The following NGLY1 variants were observed in gnomAD, a reference collection of about 807,000 sequenced individuals.
NGLY1 encodes the protein N-glycanase 1.
In NGLY1, 68 loss-of-function variants were observed where a neutral mutation model predicts 84.6. The ratio of observed to expected loss-of-function variants is 0.80; its 90% CI spans 0.66 to 0.98. The LOEUF is 0.98. NGLY1 is among the 50% of genes least tolerant of loss of function. The pLI is 0.00. For synonymous variants in NGLY1, 280 were observed against 275.2 expected (o/e 1.02, Z -0.17); for missense variants, 779 against 770.2 (o/e 1.01, Z -0.14).
At chr3:25,734,816 T>C (rs73059721) in intron 7 of NGLY1, 11,542 of 948,140 alleles carry the variant, frequency 0.012, 97 homozygotes, top group South Asian at 0.043. Flanking sequence ...CCAGAAACGC[T>C]ATGATAAAAA....
chr3:25,723,413 A>C (rs1005882083), intron 10 of NGLY1, among the ~76,000 whole-genome samples: 3 of 152,204 alleles, frequency 2.0e-5, no homozygotes, highest in Non-Finnish European at 4.4e-5. Context: ...ATGGAGATAA[A>C]ACACCCTATT....
chr3:25,758,152 C>T (rs2125532030), intron 3 of NGLY1, among the ~76,000 whole-genome samples: 1 of 152,298 alleles, frequency 6.6e-6, no homozygotes, highest in East Asian at 1.9e-4. Context: ...AGCACTTCAA[C>T]AGCTACATTT....
intron 4 of NGLY1, among the ~76,000 whole-genome samples, chr3:25,748,994 A>G (rs986045883): frequency 6.6e-6 from 1 of 152,230 alleles, no homozygotes; most frequent in Non-Finnish European, 1.5e-5. Context: ...CACATGAAAA[A>G]AATGCTCAAT....
At chr3:25,761,753 T>A (rs781480035) in intron 3 of NGLY1, among the ~76,000 whole-genome samples, 2 of 152,206 alleles carry the variant, frequency 1.3e-5, no homozygotes, top group Admixed American at 6.5e-5. Context: ...AAAATTTGTA[T>A]GTGAATGTTC....
At chr3:25,723,515 T>A (rs1336182563) in intron 10 of NGLY1, among the ~76,000 whole-genome samples, 1 of 152,162 alleles carries the variant, frequency 6.6e-6, no homozygotes, top group Admixed American at 6.5e-5. Context: ...AGAATATGTA[T>A]ACTCAGTTTA....
At chr3:25,737,045 A>C (rs1705860176) in intron 6 of NGLY1, 1 of 251,162 alleles carries the variant, frequency 4.0e-6, no homozygotes, top group South Asian at 1.3e-4. Context: ...AATGCATTAC[A>C]AGTATCCCCC....
chr3:25,787,499 C>G (rs1708630714), upstream of NGLY1, among the ~76,000 whole-genome samples: 1 of 152,140 alleles, frequency 6.6e-6, no homozygotes, highest in African/African-American at 2.4e-5. Context: ...AAAAAGTTTT[C>G]TATGGCTCCC....
intron 4 of NGLY1, among the ~76,000 whole-genome samples, chr3:25,748,940 T>C (rs987802138): frequency 3.3e-5 from 5 of 152,148 alleles, no homozygotes; most frequent in Admixed American, 6.5e-5. Flanking sequence ...TCAAAAGACT[T>C]GAATAAACAT....
At chr3:25,763,484 A>G (rs771320658) in intron 3 of NGLY1, among the ~76,000 whole-genome samples, 1 of 152,244 alleles carries the variant, frequency 6.6e-6, no homozygotes, top group Non-Finnish European at 1.5e-5. Flanking sequence ...AATGCACATG[A>G]TCTCAGGGAG....
intron 4 of NGLY1, chr3:25,749,437 C>T (rs2125507976): frequency 9.7e-7 from 1 of 1,032,912 alleles, no homozygotes; most frequent in South Asian, 1.3e-5. Flanking sequence ...AGGAAGCTCT[C>T]TCCTCCTCAG....
intron 4 of NGLY1, among the ~76,000 whole-genome samples, chr3:25,747,436 G>A (rs905744156): frequency 3.9e-5 from 6 of 152,122 alleles, no homozygotes; most frequent in African/African-American, 1.4e-4. Flanking sequence ...TAAGGCCCAA[G>A]CCAGTCATCA....
rs577825021 is a variant in NGLY1 at position 25,740,443 on chromosome 3, T to C, written c.659-644A>G. On this transcript the variant is annotated intron_variant, in intron 4 of 11. Coordinates refer to ENST00000280700, the MANE Select transcript of NGLY1 (RefSeq NM_018297.4). The stretch of plus-strand genomic sequence containing the variant: ...TCTCTCTTGTTCATATTCAAGACCA[T>C]GGTATCTCTGGCAAGAAGGGAAGGA... Among the ~76,000 whole-genome samples, 11 of 152,240 alleles carry C rather than the reference T, an allele frequency of 7.2e-5. No homozygotes were observed. The South Asian group carries it at 1.4e-3, about 20-fold the overall frequency.
chr3:25,781,285 C>CA (rs1708406089), intron 1 of NGLY1, among the ~76,000 whole-genome samples: 1 of 152,096 alleles, frequency 6.6e-6, no homozygotes, highest in South Asian at 2.1e-4. Context: ...CTGGACCTCA[C>CA]ATTAATCTAT....
At chr3:25,775,881 G>A (rs1032620575) in intron 2 of NGLY1, among the ~76,000 whole-genome samples, 5 of 152,156 alleles carry the variant, frequency 3.3e-5, no homozygotes, top group African/African-American at 1.2e-4. Context: ...GATGATAAAT[G>A]TTTGAGATCA....
intron 9 of NGLY1, among the ~76,000 whole-genome samples, chr3:25,731,889 G>A (rs1705558076): frequency 6.6e-6 from 1 of 152,136 alleles, no homozygotes; most frequent in African/African-American, 2.4e-5. Flanking sequence ...TTAGAAGCCA[G>A]AATAATGATT....
chr3:25,771,183 AGATTT>A (rs961377881), intron 2 of NGLY1, among the ~76,000 whole-genome samples: 4 of 152,192 alleles, frequency 2.6e-5, no homozygotes, highest in East Asian at 3.8e-4. Flanking sequence ...TCCAGGTCTT[AGATTT>A]AAGTCTTTCA....
chr3:25,773,944 C>T (rs999202929), intron 2 of NGLY1, among the ~76,000 whole-genome samples: 1 of 152,192 alleles, frequency 6.6e-6, no homozygotes, highest in African/African-American at 2.4e-5. Flanking sequence ...TAGAGAGTGT[C>T]TGCAAAGAGT....
chr3:25,730,346 A>G (rs942440021), intron 9 of NGLY1: 2 of 152,086 alleles, frequency 1.3e-5, no homozygotes, highest in Non-Finnish European at 2.9e-5. Context: ...GGAAAAAATG[A>G]TTTCTTTTTA....
At position 25,729,278 on chromosome 3, in the gene NGLY1, ATCT is replaced by A; in HGVS notation, c.1463_1465del (p.Lys488del). 1 of 1,481,670 alleles carries A rather than the reference ATCT, an allele frequency of 6.7e-7. No homozygotes were observed. Among genetic ancestry groups the A allele is most frequent in the East Asian group, 2.5e-5 (1 of 39,902 alleles). The allele number at this position is 1,481,670 out of a possible 1,614,324, so 91.8% of individuals were successfully genotyped here. A position where few individuals can be genotyped will look rare whatever the true frequency, so the allele number is the denominator to read the frequency against. ...GTAACAAAGGTGGAGCTGTTTAGAAATCTTCTCATTTTCACAGGGAATAAACAA... is the reference window on the plus strand; with the variant it reads ...GTAACAAAGGTGGAGCTGTTTAGAAATCTCATTTTCACAGGGAATAAACAA... On this transcript the variant is annotated inframe_deletion, in exon 10 of 12. Transcript: ENST00000280700.
Sources: gnomAD v4.1 joint callset for allele counts (sites outside exome capture counted in the v4.1 genomes callset) on GRCh38, gnomAD v4.1.1 for gene constraint, MANE v1.5 for transcripts, NCBI Gene and HGNC (gene_info 2026-07-23, HGNC 2026-07-21) for gene names.